The following VEPH1 variants were observed in gnomAD, a reference collection of about 807,000 sequenced individuals.
VEPH1 encodes the protein ventricular zone-expressed PH domain-containing protein homolog 1.
VEPH1 carries 80 observed loss-of-function variants against 85.2 expected under a neutral mutation model. That is an observed-to-expected ratio of 0.94 (90% CI 0.78 to 1.13). The LOEUF (loss-of-function observed/expected upper bound fraction) is 1.13, where lower values mean the gene tolerates loss of function less well. Ranked by LOEUF, VEPH1 falls within the 50% of genes most tolerant of loss-of-function variation. The pLI is 0.00. For synonymous variants in VEPH1, 297 were observed against 348.0 expected (o/e 0.85, Z 1.63); for missense variants, 955 against 980.5 (o/e 0.97, Z 0.35).
At chr3:157,356,435 T>C (rs1725438233) in intron 9 of VEPH1, among the ~76,000 whole-genome samples, 1 of 152,142 alleles carries the variant, frequency 6.6e-6, no homozygotes, top group South Asian at 2.1e-4. Flanking sequence ...CATTTCCTAC[T>C]AAATTATCAA....
intron 11 of VEPH1, among the ~76,000 whole-genome samples, chr3:157,303,104 T>G (rs988454381): frequency 5.9e-5 from 9 of 152,212 alleles, no homozygotes; most frequent in African/African-American, 2.2e-4. Context: ...TGACTTACAT[T>G]TGAAGAGAAT....
chr3:157,500,178 C>A (rs775852569), intron 1 of VEPH1, among the ~76,000 whole-genome samples: 1 of 152,206 alleles, frequency 6.6e-6, no homozygotes, highest in Admixed American at 6.5e-5. Flanking sequence ...CCTGCTTAAT[C>A]TACTGACACT....
At chr3:157,300,074 C>T (rs6795781) in intron 11 of VEPH1, among the ~76,000 whole-genome samples, 19,361 of 152,112 alleles carry the variant, frequency 0.13, 2,231 homozygotes, top group African/African-American at 0.31. Context: ...AAACCCAGAT[C>T]CTGAGTTTCT....
chr3:157,491,414 T>C (rs756678806), intron 2 of VEPH1, among the ~76,000 whole-genome samples: 59 of 152,184 alleles, frequency 3.9e-4, no homozygotes, highest in Admixed American at 5.9e-4. Flanking sequence ...GTAAAACTGG[T>C]CTAGAAAGGA....
At chr3:157,406,376 G>GT (rs1731141517) in intron 6 of VEPH1, among the ~76,000 whole-genome samples, 1 of 152,130 alleles carries the variant, frequency 6.6e-6, no homozygotes, top group Admixed American at 6.5e-5. Flanking sequence ...TTCTCAGGAT[G>GT]TTATTCAACA....
In VEPH1 at chr3:157,304,038, T is replaced by TATATACACACACACAC; in HGVS notation, c.2010+9582_2010+9583insGTGTGTGTGTGTATAT. On this transcript the variant is annotated intron_variant, in intron 11 of 13. Transcript: ENST00000362010. ...CTTATATTTTTTATATATATATATA[T>TATATACACACACACAC]ACACACATACTGTTACATCTTATAT... Among the ~76,000 whole-genome samples, 232 of 96,898 alleles carry TATATACACACACACAC rather than the reference T, an allele frequency of 2.4e-3. 5 individuals are homozygous for TATATACACACACACAC. The highest frequency in any genetic ancestry group is 6.7e-3 in the African/African-American group (220 of 32,694). The allele number at this position is 96,898 out of a possible 152,430, so 63.6% of individuals were successfully genotyped here.
intron 4 of VEPH1, chr3:157,459,712 T>C (rs1249677451): frequency 1.6e-5 from 23 of 1,412,442 alleles, no homozygotes; most frequent in Non-Finnish European, 2.1e-5. Flanking sequence ...CTAGTATTTA[T>C]GCTTGTTATC....
At chr3:157,441,704 G>A (rs542872786) in intron 4 of VEPH1, among the ~76,000 whole-genome samples, 60 of 152,110 alleles carry the variant, frequency 3.9e-4, no homozygotes, top group African/African-American at 1.1e-3. Context: ...CAGCTACTCC[G>A]GAAGCTGAGG....
chr3:157,456,597 C>A (rs1354460893), intron 4 of VEPH1, among the ~76,000 whole-genome samples: 12 of 152,154 alleles, frequency 7.9e-5, no homozygotes, highest in African/African-American at 2.2e-4. Flanking sequence ...TATGACTAGG[C>A]AGTTATTCCA....
chr3:157,443,114 A>G, intron 4 of VEPH1: 1 of 1,056,260 alleles, frequency 9.5e-7, no homozygotes, highest in South Asian at 1.7e-5. Context: ...ACCAATCTTT[A>G]TTTGTACTGG....
chr3:157,476,879 T>A lies in VEPH1; in HGVS notation c.139-6350A>T, dbSNP rs77479515. On this transcript the variant is annotated intron_variant, in intron 2 of 13. Coordinates refer to ENST00000362010, the MANE Select transcript of VEPH1 (RefSeq NM_001167912.2). ...TGATGGTAAATGGACAATGGAGCAG[T>A]CACAACCTGAGAAAGGAATGGAGTC... Among the ~76,000 whole-genome samples the A allele has an allele frequency of 9.9e-3, 1,500 of 152,260 alleles. 24 individuals are homozygous for A. The highest frequency in any genetic ancestry group is 0.067 in the East Asian group (345 of 5,176).
At position 157,295,960 on chromosome 3, in the gene VEPH1, A is replaced by AAAT. The variant is rs1553759490; in HGVS notation, c.2011-9287_2011-9286insATT. ...ACAGAGTGAGACTCCATCTCAAAAA[A>AAAT]AAATAAATAAATAAATAAATTATGG... On this transcript the variant is annotated intron_variant, in intron 11 of 13. Coordinates refer to ENST00000362010, the MANE Select transcript of VEPH1 (RefSeq NM_001167912.2). Among the ~76,000 whole-genome samples the AAAT allele has an allele frequency of 6.6e-5, 10 of 151,898 alleles. No homozygotes were observed. The East Asian group carries it at 7.7e-4, about 12-fold the overall frequency.
intron 6 of VEPH1, among the ~76,000 whole-genome samples, chr3:157,389,650 GATA>G (rs1729656980): frequency 2.0e-5 from 3 of 150,936 alleles, no homozygotes; most frequent in African/African-American, 7.3e-5. Context: ...TAGATAGATA[GATA>G]GATAGATAGA....
intron 3 of VEPH1, 31 bp from the exon 4 acceptor site, chr3:157,460,386 A>T (rs1191473783): frequency 6.3e-7 from 1 of 1,590,530 alleles, no homozygotes; most frequent in Non-Finnish European, 8.6e-7. Flanking sequence ...CACAAATAAT[A>T]AGTGACTCAT....
intron 7 of VEPH1, among the ~76,000 whole-genome samples, chr3:157,380,687 A>G (rs773872330): frequency 1.3e-5 from 2 of 152,174 alleles, no homozygotes; most frequent in Admixed American, 1.3e-4. Flanking sequence ...CCTTGAACTC[A>G]TCTTGATAAG....
intron 2 of VEPH1, among the ~76,000 whole-genome samples, chr3:157,488,465 G>A (rs575117646): frequency 3.2e-4 from 48 of 150,642 alleles, no homozygotes; most frequent in Non-Finnish European, 5.7e-4. Flanking sequence ...TATTCACCTG[G>A]CATTCAGGAA....
intron 3 of VEPH1, among the ~76,000 whole-genome samples, chr3:157,468,645 T>C (rs1309676084): frequency 2.0e-5 from 3 of 152,100 alleles, no homozygotes; most frequent in Non-Finnish European, 2.9e-5. Flanking sequence ...AAAATTGCTA[T>C]ATTGATTGCA....
Position 157,309,113 on chromosome 3 carries a change from G to A in VEPH1, c.2010+4508C>T, listed in dbSNP as rs1179898443. Among the ~76,000 whole-genome samples the A allele has an allele frequency of 2.6e-5, 4 of 151,664 alleles. No individual in the cohort carries two copies. The East Asian group carries it at 5.8e-4, about 22-fold the overall frequency. On this transcript the variant is annotated intron_variant, in intron 11 of 13. Coordinates refer to ENST00000362010, the MANE Select transcript of VEPH1 (RefSeq NM_001167912.2). ...TGTTATTATTATTATTATTATTAAT[G>A]CCTAGTATGAGCCAGGCATGCTCTT...
intron 4 of VEPH1, among the ~76,000 whole-genome samples, chr3:157,431,733 T>C (rs1270055569): frequency 6.6e-6 from 1 of 151,970 alleles, no homozygotes; most frequent in Non-Finnish European, 1.5e-5. Flanking sequence ...CAACATTTGG[T>C]TGTGACAGAC....
Sources: gnomAD v4.1 joint callset for allele counts (sites outside exome capture counted in the v4.1 genomes callset) on GRCh38, gnomAD v4.1.1 for gene constraint, MANE v1.5 for transcripts, NCBI Gene and HGNC (gene_info 2026-07-23, HGNC 2026-07-21) for gene names.